The following STPG2 variants were observed in gnomAD, a reference collection of about 807,000 sequenced individuals.
STPG2 encodes the protein sperm-tail PG-rich repeat-containing protein 2.
In STPG2, 56 loss-of-function variants were observed where a neutral mutation model predicts 54.2. The ratio of observed to expected loss-of-function variants is 1.03; its 90% CI spans 0.83 to 1.29. The LOEUF is 1.29. STPG2 is among the 50% of genes most tolerant of loss of function. The pLI is 0.00. For missense variants in STPG2, 596 were observed against 544.9 expected (o/e 1.09, Z -0.93); for synonymous variants, 200 against 181.8 (o/e 1.10, Z -0.81).
chr4:97,738,990 G>T (rs1296262104), intron 9 of STPG2, among the ~76,000 whole-genome samples: 1 of 151,894 alleles, frequency 6.6e-6, no homozygotes, highest in African/African-American at 2.4e-5. Context: ...AAATGTAAAA[G>T]AACAGAAATT....
At chr4:97,631,434 G>A (rs2174937) in intron 10 of STPG2, among the ~76,000 whole-genome samples, 91,354 of 151,776 alleles carry the variant, frequency 0.6, 28,057 homozygotes, top group African/African-American at 0.72. Context: ...AAAAAATATT[G>A]GGTTCATGCA....
intron 5 of STPG2, among the ~76,000 whole-genome samples, chr4:98,104,070 C>G (rs1739122575): frequency 6.6e-6 from 1 of 152,114 alleles, no homozygotes; most frequent in Non-Finnish European, 1.5e-5. Flanking sequence ...CACAGTCATC[C>G]AAATTCACTT....
At chr4:97,650,584 A>C (rs578090874) in intron 10 of STPG2, among the ~76,000 whole-genome samples, 10 of 152,242 alleles carry the variant, frequency 6.6e-5, no homozygotes, top group African/African-American at 2.2e-4. Context: ...TAAAAAGGAA[A>C]TGTTCAGGCT....
intron 9 of STPG2, among the ~76,000 whole-genome samples, chr4:97,815,220 C>T (rs557404273): frequency 6.8e-4 from 104 of 152,076 alleles, no homozygotes; most frequent in African/African-American, 2.2e-3. Flanking sequence ...AAACATTTAC[C>T]GGTGTGTGTG....
intron 8 of STPG2, among the ~76,000 whole-genome samples, chr4:97,924,797 G>C (rs1421843317): frequency 6.6e-6 from 1 of 152,046 alleles, no homozygotes; most frequent in South Asian, 2.1e-4. Context: ...TTGCATCAGG[G>C]ACCTTAAATT....
At chr4:97,845,023 C>T (rs1361200575) in intron 8 of STPG2, among the ~76,000 whole-genome samples, 1 of 151,190 alleles carries the variant, frequency 6.6e-6, no homozygotes, top group Admixed American at 6.6e-5. Flanking sequence ...TCTTTTGTTT[C>T]TTTGCTTGCT....
intron 8 of STPG2, among the ~76,000 whole-genome samples, chr4:97,881,601 A>G (rs1396637719): frequency 6.6e-6 from 1 of 152,148 alleles, no homozygotes; most frequent in East Asian, 1.9e-4. Flanking sequence ...TGCCTCATTT[A>G]CCATGAGAAA....
chr4:97,846,821 C>G (rs1728969792), intron 8 of STPG2, among the ~76,000 whole-genome samples: 1 of 152,030 alleles, frequency 6.6e-6, no homozygotes, highest in African/African-American at 2.4e-5. Flanking sequence ...AGTTAAAATT[C>G]TGAGCAATTA....
chr4:97,511,183 AAAGT>A (rs1288684230), intron 4 of STPG2, among the ~76,000 whole-genome samples: 3 of 152,096 alleles, frequency 2.0e-5, no homozygotes, highest in African/African-American at 4.8e-5. Context: ...ATAGGTTTAA[AAAGT>A]AAGACCAAAG....
chr4:97,771,448 AAAG>A (rs1726217146), intron 9 of STPG2, among the ~76,000 whole-genome samples: 1 of 152,104 alleles, frequency 6.6e-6, no homozygotes, highest in Admixed American at 6.6e-5. Flanking sequence ...ACTGGATGAC[AAAG>A]AAGTTTGTCA....
intron 7 of STPG2, among the ~76,000 whole-genome samples, chr4:97,969,899 A>G (rs1256918457): frequency 2.0e-5 from 3 of 152,320 alleles, no homozygotes; most frequent in East Asian, 1.9e-4. Context: ...ACATGCTTGT[A>G]TATTTAGAAA....
intron 10 of STPG2, among the ~76,000 whole-genome samples, chr4:97,583,853 C>T (rs1578405134): frequency 6.6e-6 from 1 of 151,848 alleles, no homozygotes; most frequent in Non-Finnish European, 1.5e-5. Context: ...ATGCACCTAA[C>T]ATGGGAGCTC....
chr4:97,616,680 T>A (rs1184403373), intron 10 of STPG2, among the ~76,000 whole-genome samples: 1 of 152,156 alleles, frequency 6.6e-6, no homozygotes, highest in East Asian at 1.9e-4. Flanking sequence ...TCACTAGTGA[T>A]GATGTCAGTA....
chr4:98,056,861 C>T lies in STPG2; in HGVS notation c.612+49092G>A, dbSNP rs796478366. Among the ~76,000 whole-genome samples, 42 of 152,238 alleles carry T rather than the reference C, an allele frequency of 2.8e-4. 1 individual carries two copies. The highest frequency in any genetic ancestry group is 1.8e-3 in the Admixed American group (28 of 15,296). ...TTGCCTCTTTACTCTCTCTCTCTCC[C>T]GCCACTCTACCATGTGAAGAAGGTG... On this transcript the variant is annotated intron_variant, in intron 5 of 10. Transcript: ENST00000295268.
At chr4:97,495,710 C>CAAAAAA (rs35288994) in intron 4 of STPG2, among the ~76,000 whole-genome samples, 1 of 117,796 alleles carries the variant, frequency 8.5e-6, no homozygotes, top group Non-Finnish European at 1.8e-5. Context: ...ATGGTCAAGA[C>CAAAAAA]AAAAAAAAAA....
At chr4:97,922,836 A>G (rs564741150) in intron 8 of STPG2, among the ~76,000 whole-genome samples, 1 of 152,066 alleles carries the variant, frequency 6.6e-6, no homozygotes, top group Non-Finnish European at 1.5e-5. Context: ...TTTTTCCAAC[A>G]TGCTTCTGCT....
At chr4:98,067,887 T>C (rs1046218904) in intron 5 of STPG2, among the ~76,000 whole-genome samples, 2 of 152,150 alleles carry the variant, frequency 1.3e-5, no homozygotes, top group African/African-American at 4.8e-5. Flanking sequence ...AGTAAGATAT[T>C]TTTCTATCAT....
At chr4:97,492,897 T>C (rs566238409) in intron 4 of STPG2, among the ~76,000 whole-genome samples, 1 of 150,138 alleles carries the variant, frequency 6.7e-6, no homozygotes, top group East Asian at 2.0e-4. Flanking sequence ...AATCTTCTCC[T>C]GAAATGTGAC....
chr4:97,626,638 T>TGGA (rs1206157967), intron 10 of STPG2, among the ~76,000 whole-genome samples: 24 of 152,116 alleles, frequency 1.6e-4, no homozygotes, highest in Non-Finnish European at 2.9e-4. Flanking sequence ...ATGTAGATAT[T>TGGA]TTAACCAAAT....
Sources: gnomAD v4.1 joint callset for allele counts (sites outside exome capture counted in the v4.1 genomes callset) on GRCh38, gnomAD v4.1.1 for gene constraint, MANE v1.5 for transcripts, NCBI Gene and HGNC (gene_info 2026-07-23, HGNC 2026-07-21) for gene names.